Variants in DSCAM observed in about 807,000 individuals in gnomAD.
The protein encoded by DSCAM is DS cell adhesion molecule, also known as cell adhesion molecule DSCAM.
Under a neutral mutation model 217.7 loss-of-function variants are expected in DSCAM, and 47 were observed. The observed-to-expected ratio is 0.22, with a 90% CI of 0.17 to 0.28. DSCAM has a LOEUF of 0.28. Among genes scored for constraint, DSCAM ranks in the 10% least tolerant of loss-of-function variants. The pLI, the probability that DSCAM is intolerant of heterozygous loss-of-function variation, is 1.00. For missense variants in DSCAM, 2,080 were observed against 2,618.3 expected (o/e 0.79, Z 4.49); for synonymous variants, 1,056 against 1,015.3 (o/e 1.04, Z -0.76).
intron 3 of DSCAM, among the ~76,000 whole-genome samples, chr21:40,509,841 T>C (rs75418882): frequency 0.029 from 4,408 of 152,272 alleles, 108 homozygotes; most frequent in East Asian, 0.11. Context: ...TAAAAGAATC[T>C]AGGCTGGGTG....
Position 40,353,693 on chromosome 21 carries a change from C to T in DSCAM, c.706G>A (p.Ala236Thr). Residue 236 changes from alanine (A) to threonine (T), a missense_variant, in exon 5 of 33, where the codon GCC (alanine) becomes ACC (threonine). By Grantham distance (58) the Ala-to-Thr change is moderately conservative. Around this residue, in one of 5 missense-constraint regions of DSCAM, gnomAD observed 568 missense variants for 678.1 expected, o/e 0.84. Coordinates refer to ENST00000400454, the MANE Select transcript of DSCAM (RefSeq NM_001389.5). ...SILDGFDHRK[A>T]MAGQRVELPC... is the part of the protein sequence containing the mutation. ...AGCTCCACACGCTGCCCAGCCATGG[C>T]TTTGCGATGGTCAAACCCATCCAGT... is the stretch of plus-strand genomic sequence containing the variant. The T allele has an allele frequency of 6.2e-7, 1 of 1,605,694 alleles. No individual in the cohort carries two copies. Among genetic ancestry groups the T allele is most frequent in the East Asian group, 2.2e-5 (1 of 44,738 alleles).
At position 40,085,739 on chromosome 21, in the gene DSCAM, A is replaced by G. The variant is rs777867693; in HGVS notation, c.3995T>C (p.Ile1332Thr). The G allele has an allele frequency of 5.1e-6, 8 of 1,570,210 alleles. No individual in the cohort carries two copies. The highest frequency in any genetic ancestry group is 1.7e-5 in the Admixed American group (1 of 59,000). ...DSNGTPSLVT[I>T]DGRRSIFSNG... ...GCTAAAGATGCTCCTCCGCCCATCA[A>G]TCGTTACTAGACTGGGTGTCCCGTT... Residue 1332 changes from isoleucine to threonine, a missense_variant, in exon 23 of 33, where the codon ATT (isoleucine) becomes ACT (threonine). Physicochemically the swap from Ile to Thr is moderately conservative, Grantham distance 89. This residue lies in a region of DSCAM where 1,144 missense variants were observed against 1,421.1 expected (regional missense o/e 0.81). Coordinates refer to ENST00000400454, the MANE Select transcript of DSCAM (RefSeq NM_001389.5).
intron 11 of DSCAM, among the ~76,000 whole-genome samples, chr21:40,274,046 T>C (rs1464782463): frequency 6.6e-6 from 1 of 152,180 alleles, no homozygotes; most frequent in African/African-American, 2.4e-5. Flanking sequence ...CCATGAACCC[T>C]GGTGTTCTGG....
intron 1 of DSCAM, among the ~76,000 whole-genome samples, chr21:40,742,383 G>A (rs1236177049): frequency 6.6e-6 from 1 of 152,128 alleles, no homozygotes; most frequent in Non-Finnish European, 1.5e-5. Flanking sequence ...ATGGAGAAAG[G>A]GGTCAGGAGC....
chr21:40,479,411 A>T (rs1372164339), intron 3 of DSCAM, among the ~76,000 whole-genome samples: 2 of 152,150 alleles, frequency 1.3e-5, no homozygotes, highest in African/African-American at 4.8e-5. Context: ...CATCTCACAT[A>T]TGTATTAGTC....
At chr21:40,352,340 T>A (rs2074640127) in intron 5 of DSCAM, among the ~76,000 whole-genome samples, 1 of 152,228 alleles carries the variant, frequency 6.6e-6, no homozygotes. Flanking sequence ...TGCATTATTT[T>A]ATCCACATGA....
intron 3 of DSCAM, among the ~76,000 whole-genome samples, chr21:40,614,789 G>A (rs137940128): frequency 2.4e-4 from 37 of 152,210 alleles, no homozygotes; most frequent in Non-Finnish European, 4.4e-4. Flanking sequence ...ATTGCAGGTC[G>A]ATGTGGTATC....
At chr21:40,590,569 G>GT (rs2076976937) in intron 3 of DSCAM, among the ~76,000 whole-genome samples, 1 of 152,210 alleles carries the variant, frequency 6.6e-6, no homozygotes, top group African/African-American at 2.4e-5. Flanking sequence ...ATTTTGTATA[G>GT]TGCTGGTGAC....
intron 9 of DSCAM, among the ~76,000 whole-genome samples, chr21:40,306,756 G>A (rs771237940): frequency 2.4e-4 from 36 of 152,140 alleles, no homozygotes; most frequent in East Asian, 9.7e-4. Flanking sequence ...ATTAATTTGC[G>A]TATATTGAAC....
chr21:40,650,729 T>G (rs1341834867), intron 3 of DSCAM, among the ~76,000 whole-genome samples: 1 of 152,144 alleles, frequency 6.6e-6, no homozygotes. Flanking sequence ...GCCTGGCCAA[T>G]ATGATGAAAC....
chr21:40,257,733 T>C (rs1354546133), intron 11 of DSCAM, among the ~76,000 whole-genome samples: 1 of 152,110 alleles, frequency 6.6e-6, no homozygotes, highest in Non-Finnish European at 1.5e-5. Context: ...AACTCAGGAC[T>C]TCCAAACGTT....
intron 27 of DSCAM, among the ~76,000 whole-genome samples, chr21:40,070,089 T>C (rs1348105289): frequency 6.6e-6 from 1 of 152,110 alleles, no homozygotes; most frequent in Non-Finnish European, 1.5e-5. Flanking sequence ...CGCTGTCAGA[T>C]GCAGAGAGCC....
At position 40,732,447 on chromosome 21, in the gene DSCAM, G is replaced by T. The variant is rs1246619774; in HGVS notation, c.44-23676C>A. Among the ~76,000 whole-genome samples the T allele has an allele frequency of 2.6e-5, 4 of 152,220 alleles. No homozygotes were observed. The East Asian group carries it at 7.7e-4, about 29-fold the overall frequency. ...AGTCTCTTACTCATTCCAATTAAGA[G>T]TCATGAAATCACAAGAAGAATGCAT... On this transcript the variant is annotated intron_variant, in intron 1 of 32. Coordinates refer to ENST00000400454, the MANE Select transcript of DSCAM (RefSeq NM_001389.5).
intron 1 of DSCAM, among the ~76,000 whole-genome samples, chr21:40,821,375 ACACACAGACACACGCGCG>A (rs2091925707): frequency 6.8e-6 from 1 of 147,866 alleles, no homozygotes; most frequent in Non-Finnish European, 1.5e-5. Context: ...ATGCATGCAC[ACACACAGACACACGCGCG>A]CACACACACA....
At chr21:40,266,125 G>A (rs922680506) in intron 11 of DSCAM, among the ~76,000 whole-genome samples, 4 of 151,944 alleles carry the variant, frequency 2.6e-5, no homozygotes, top group Non-Finnish European at 5.9e-5. Context: ...ACTAATATCC[G>A]CAATCTACAA....
At chr21:40,705,407 G>A (rs1254526724) in intron 2 of DSCAM, among the ~76,000 whole-genome samples, 4 of 142,898 alleles carry the variant, frequency 2.8e-5, no homozygotes. Context: ...TGCATTTTTC[G>A]TTGTTTTTTT....
At chr21:40,839,217 G>A (rs1360027474) in intron 1 of DSCAM, among the ~76,000 whole-genome samples, 2 of 152,278 alleles carry the variant, frequency 1.3e-5, no homozygotes, top group Admixed American at 1.3e-4. Flanking sequence ...GCCCGACACA[G>A]ACTGACAAAT....
chr21:40,207,129 T>G (rs967664190), intron 11 of DSCAM, among the ~76,000 whole-genome samples: 21 of 152,024 alleles, frequency 1.4e-4, no homozygotes, highest in Non-Finnish European at 2.8e-4. Context: ...GAAAAAAAAT[T>G]GTAACTATAG....
At chr21:40,052,187 C>G (rs1197788362) in intron 29 of DSCAM, 80 bp from the exon 30 acceptor site, 3 of 1,501,318 alleles carry the variant, frequency 2.0e-6, no homozygotes, top group Non-Finnish European at 2.7e-6. Flanking sequence ...TCTCCTGAGG[C>G]ACTTGTGTTA....
Sources: allele counts gnomAD v4.1 joint callset (sites outside exome capture counted in the v4.1 genomes callset), GRCh38; gene constraint gnomAD v4.1.1; regional missense constraint gnomAD v4.1.1; transcripts MANE v1.5; gene names NCBI Gene and HGNC (gene_info 2026-07-23, HGNC 2026-07-21).